The following KIAA1217 variants were observed in gnomAD, a reference collection of about 807,000 sequenced individuals.
KIAA1217 encodes sickle tail protein homolog.
A neutral mutation model predicts 163.9 loss-of-function variants in KIAA1217; 88 were observed. The observed-to-expected ratio is 0.54, with a 90% confidence interval of 0.45 to 0.64. The LOEUF (loss-of-function observed/expected upper bound fraction) is 0.64, where lower values mean the gene tolerates loss of function less well. KIAA1217 is among the 30% of genes least tolerant of loss of function. The probability of loss-of-function intolerance (pLI) is 0.00; values close to 1 mark genes in which losing one functional copy is unlikely to be tolerated. For missense variants in KIAA1217, 2,372 were observed against 2,475.0 expected (o/e 0.96, Z 0.88); for synonymous variants, 903 against 923.1 (o/e 0.98, Z 0.39).
In KIAA1217 at chr10:24,281,128, T is replaced by C. The variant is rs1481324339; in HGVS notation, c.354+61219T>C. ...GAACAGTTTGAGATTTACAGAAAAA[T>C]TGTGAAGATAGCACAGAGCTCCCAC... is the stretch of plus-strand genomic sequence containing the variant. On this transcript the variant is annotated intron_variant, in intron 2 of 20. Transcript: ENST00000376454. 2.0e-5 allele frequency among the ~76,000 whole-genome samples: 3 copies of C among 152,334 alleles called. No homozygotes were observed. The East Asian group carries it at 5.8e-4, about 29-fold the overall frequency.
intron 2 of KIAA1217, among the ~76,000 whole-genome samples, chr10:24,295,407 T>A (rs2040471009): frequency 6.6e-6 from 1 of 152,228 alleles, no homozygotes; most frequent in Non-Finnish European, 1.5e-5. Context: ...TTTTCGTTTC[T>A]TATCAAAGAT....
intron 2 of KIAA1217, among the ~76,000 whole-genome samples, chr10:24,355,054 C>T (rs533541364): frequency 6.6e-6 from 1 of 152,320 alleles, no homozygotes; most frequent in Non-Finnish European, 1.5e-5. Context: ...TTTTGGCTGT[C>T]TCCAGAGGTT....
chr10:23,928,024 T>C (rs1008293594), intron 1 of KIAA1217, among the ~76,000 whole-genome samples: 3 of 152,228 alleles, frequency 2.0e-5, no homozygotes, highest in African/African-American at 7.2e-5. Context: ...CATGGGCTGC[T>C]GGCAGGGTAC....
chr10:23,846,951 T>A (rs184874825), intron 1 of KIAA1217, among the ~76,000 whole-genome samples: 1 of 152,324 alleles, frequency 6.6e-6, no homozygotes, highest in East Asian at 1.9e-4. Context: ...TGAAGGGATG[T>A]TGAATTTTGT....
intron 3 of KIAA1217, among the ~76,000 whole-genome samples, chr10:24,384,549 C>A (rs930330000): frequency 2.6e-5 from 4 of 152,136 alleles, no homozygotes; most frequent in African/African-American, 9.6e-5. Flanking sequence ...CTGTCAAGGG[C>A]AACATCAACC....
intron 2 of KIAA1217, among the ~76,000 whole-genome samples, chr10:24,320,285 C>G (rs542111856): frequency 8.5e-5 from 13 of 152,308 alleles, no homozygotes; most frequent in African/African-American, 3.1e-4. Flanking sequence ...TGGTACCCAT[C>G]CACCCAAAAG....
At chr10:23,741,066 G>A (rs529119316) in intron 1 of KIAA1217, among the ~76,000 whole-genome samples, 1 of 152,158 alleles carries the variant, frequency 6.6e-6, no homozygotes, top group African/African-American at 2.4e-5. Context: ...TCCAGTAATT[G>A]GTCCAGTAGT....
At chr10:24,474,728 C>T (rs1055901500) in intron 6 of KIAA1217, among the ~76,000 whole-genome samples, 2 of 152,110 alleles carry the variant, frequency 1.3e-5, no homozygotes, top group Non-Finnish European at 2.9e-5. Context: ...TCAGAAGCTT[C>T]CTACTCTATC....
At chr10:24,247,346 C>T (rs1326493872) in intron 2 of KIAA1217, among the ~76,000 whole-genome samples, 2 of 151,962 alleles carry the variant, frequency 1.3e-5, no homozygotes, top group South Asian at 2.1e-4. Flanking sequence ...AGGCTGGTCT[C>T]GAACTCCTCC....
chr10:23,918,475 A>G (rs1438716342), intron 1 of KIAA1217, among the ~76,000 whole-genome samples: 2 of 152,112 alleles, frequency 1.3e-5, no homozygotes, highest in African/African-American at 4.8e-5. Flanking sequence ...AGCCGTGATA[A>G]CCTTTGCATG....
At chr10:24,524,870 C>T (rs2071851400) in intron 13 of KIAA1217, 106 bp downstream of exon 13, 1 of 1,046,818 alleles carries the variant, frequency 9.6e-7, no homozygotes, top group Non-Finnish European at 1.4e-6. Context: ...GTGTATGGAT[C>T]AGAGACAGGG....
At chr10:23,869,772 A>T (rs892551265) in intron 1 of KIAA1217, among the ~76,000 whole-genome samples, 2 of 152,058 alleles carry the variant, frequency 1.3e-5, no homozygotes, top group Non-Finnish European at 2.9e-5. Flanking sequence ...GATTGATTTC[A>T]TTATTTGTGA....
At chr10:23,951,303 T>C (rs550478847) in intron 1 of KIAA1217, among the ~76,000 whole-genome samples, 2 of 152,278 alleles carry the variant, frequency 1.3e-5, no homozygotes, top group African/African-American at 2.4e-5. Flanking sequence ...AACTCCAAGG[T>C]TGCTAGTAAT....
At chr10:23,936,511 T>C (rs1843533151) in intron 1 of KIAA1217, among the ~76,000 whole-genome samples, 1 of 152,038 alleles carries the variant, frequency 6.6e-6, no homozygotes, top group African/African-American at 2.4e-5. Context: ...GGTGTCTTTA[T>C]AAAAGGAAGC....
intron 3 of KIAA1217, among the ~76,000 whole-genome samples, chr10:24,386,447 A>G (rs1186293505): frequency 6.6e-6 from 1 of 152,228 alleles, no homozygotes; most frequent in East Asian, 1.9e-4. Context: ...GGGCAAAGGA[A>G]TTGATGAATT....
At chr10:24,034,426 G>A (rs1011532536) in intron 2 of KIAA1217, among the ~76,000 whole-genome samples, 5 of 151,990 alleles carry the variant, frequency 3.3e-5, no homozygotes, top group African/African-American at 1.2e-4. Flanking sequence ...AGCCAGGCAT[G>A]GTGGCACATG....
chr10:24,369,532 A>G (rs537221134), intron 2 of KIAA1217, among the ~76,000 whole-genome samples: 5 of 152,206 alleles, frequency 3.3e-5, no homozygotes, highest in African/African-American at 1.2e-4. Flanking sequence ...CAACAATGCA[A>G]TTAAGTTTTA....
At chr10:23,746,277 C>T (rs1381261880) in intron 1 of KIAA1217, among the ~76,000 whole-genome samples, 2 of 152,198 alleles carry the variant, frequency 1.3e-5, no homozygotes, top group Non-Finnish European at 2.9e-5. Flanking sequence ...ACTGGCTCTG[C>T]TTAGCTTTCA....
At chr10:23,697,502 C>T (rs1653762997) in intron 1 of KIAA1217, among the ~76,000 whole-genome samples, 1 of 151,928 alleles carries the variant, frequency 6.6e-6, no homozygotes, top group Non-Finnish European at 1.5e-5. Context: ...AGGATTCCAT[C>T]CCCCTCCACC....
Sources: allele counts gnomAD v4.1 joint callset (sites outside exome capture counted in the v4.1 genomes callset), GRCh38; gene constraint gnomAD v4.1.1; transcripts MANE v1.5; gene names NCBI Gene and HGNC (gene_info 2026-07-23, HGNC 2026-07-21).